TRPM3: variants seen among roughly 807,000 people sequenced by gnomAD.
TRPM3 encodes the protein transient receptor potential cation channel subfamily M member 3.
TRPM3 carries 77 observed loss-of-function variants against 181.2 expected under a neutral mutation model. That is an observed-to-expected ratio of 0.42 (90% CI 0.35 to 0.51). The LOEUF (loss-of-function observed/expected upper bound fraction) is 0.51, where lower values mean the gene tolerates loss of function less well. Among genes scored for constraint, TRPM3 ranks in the 20% least tolerant of loss-of-function variants. The probability of loss-of-function intolerance (pLI) is 0.01; values close to 1 mark genes in which losing one functional copy is unlikely to be tolerated. For missense variants in TRPM3, 1,759 were observed against 2,196.7 expected (o/e 0.80, Z 3.98); for synonymous variants, 745 against 796.4 (o/e 0.94, Z 1.09).
chr9:71,038,426 G>A (rs1252761962), intron 1 of TRPM3, among the ~76,000 whole-genome samples: 1 of 152,116 alleles, frequency 6.6e-6, no homozygotes, highest in African/African-American at 2.4e-5. Context: ...TCATTATGAT[G>A]TGCTTATTAT....
intron 1 of TRPM3, among the ~76,000 whole-genome samples, chr9:71,048,058 T>C (rs1283142557): frequency 2.0e-5 from 3 of 152,226 alleles, no homozygotes; most frequent in Non-Finnish European, 4.4e-5. Flanking sequence ...TTTAGATATA[T>C]ACTCTAGCAT....
At chr9:71,330,948 T>C (rs2090065877) in intron 1 of TRPM3, among the ~76,000 whole-genome samples, 2 of 151,986 alleles carry the variant, frequency 1.3e-5, no homozygotes, top group South Asian at 2.1e-4. Flanking sequence ...ACAAGACTTG[T>C]CTGGGTCTCA....
At chr9:70,594,956 A>G (rs1235347974) in intron 21 of TRPM3, among the ~76,000 whole-genome samples, 2 of 152,206 alleles carry the variant, frequency 1.3e-5, no homozygotes, top group Non-Finnish European at 2.9e-5. Context: ...TGAACTGATT[A>G]TCTTAAAAGC....
intron 1 of TRPM3, among the ~76,000 whole-genome samples, chr9:71,227,593 G>T (rs1487166184): frequency 6.6e-6 from 1 of 151,538 alleles, no homozygotes. Context: ...CCTTTAGCCA[G>T]ATTAACCAGG....
intron 4 of TRPM3, among the ~76,000 whole-genome samples, chr9:70,844,077 G>A (rs2094836988): frequency 6.6e-6 from 1 of 152,148 alleles, no homozygotes; most frequent in African/African-American, 2.4e-5. Flanking sequence ...TATATGTGAA[G>A]ATGTCTCTTC....
chr9:71,076,719 A>C (rs1339886993), intron 1 of TRPM3, among the ~76,000 whole-genome samples: 3 of 152,152 alleles, frequency 2.0e-5, no homozygotes, highest in Non-Finnish European at 4.4e-5. Flanking sequence ...AGGGTTCTCA[A>C]TATCACAGCT....
chr9:70,815,384 A>G (rs2092599692), intron 6 of TRPM3, among the ~76,000 whole-genome samples: 1 of 152,144 alleles, frequency 6.6e-6, no homozygotes, highest in Non-Finnish European at 1.5e-5. Context: ...AAGTAAAATT[A>G]TGGGGCTAAA....
At chr9:70,957,939 C>A (rs1450307290) in intron 1 of TRPM3, among the ~76,000 whole-genome samples, 1 of 152,202 alleles carries the variant, frequency 6.6e-6, no homozygotes, top group Non-Finnish European at 1.5e-5. Flanking sequence ...GCCTTTGGAA[C>A]CTACTTCCCT....
intron 25 of TRPM3, among the ~76,000 whole-genome samples, chr9:70,544,626 A>T (rs917619623): frequency 3.3e-5 from 5 of 152,058 alleles, no homozygotes; most frequent in African/African-American, 1.2e-4. Flanking sequence ...ACCATGTCTA[A>T]GATATAGTAA....
intron 1 of TRPM3, among the ~76,000 whole-genome samples, chr9:71,251,078 T>C (rs981178170): frequency 2.6e-5 from 4 of 152,184 alleles, no homozygotes; most frequent in African/African-American, 7.2e-5. Context: ...ATAAGTATTC[T>C]TGTACTTTTA....
chr9:70,781,326 T>TAAA (rs35173071), intron 7 of TRPM3, among the ~76,000 whole-genome samples: 18 of 106,106 alleles, frequency 1.7e-4, no homozygotes, highest in South Asian at 3.6e-4. Flanking sequence ...TTCCATTTCA[T>TAAA]AAAAAAAAAA....
At chr9:70,748,683 C>T (rs181800971) in intron 8 of TRPM3, among the ~76,000 whole-genome samples, 15 of 152,150 alleles carry the variant, frequency 9.9e-5, no homozygotes, top group African/African-American at 3.1e-4. Context: ...GTACCATTTA[C>T]GAGAAAGTGG....
intron 1 of TRPM3, among the ~76,000 whole-genome samples, chr9:70,946,726 T>C (rs1005608744): frequency 1.3e-5 from 2 of 152,122 alleles, no homozygotes; most frequent in Admixed American, 6.6e-5. Flanking sequence ...TTTCCAGTCA[T>C]GTAATGCCCC....
rs1491369090 is a variant in TRPM3, at chr9:70,831,963, A to ATATATC, written c.802-3946_802-3945insGATATA. Among the ~76,000 whole-genome samples, 10 of 13,512 alleles carry ATATATC rather than the reference A, an allele frequency of 7.4e-4. No homozygotes were observed. In the East Asian group the frequency reaches 0.016, roughly 21 times the overall value. The allele number at this position is 13,512 out of a possible 152,430, so 8.9% of individuals were successfully genotyped here. A position where few individuals can be genotyped will look rare whatever the true frequency, so the allele number is the denominator to read the frequency against. ...TCAAAACATTTTATGTACCCCATAA[A>ATATATC]TATATATATATATATATATATATAT... is the stretch of plus-strand genomic sequence containing the variant. On this transcript the variant is annotated intron_variant, in intron 5 of 25. Transcript: ENST00000677713.
chr9:70,777,033 G>T (rs898116513), intron 7 of TRPM3, among the ~76,000 whole-genome samples: 4 of 151,956 alleles, frequency 2.6e-5, no homozygotes, highest in Admixed American at 1.3e-4. Flanking sequence ...TTGGATTTTT[G>T]TTGTTGTTGT....
intron 1 of TRPM3, among the ~76,000 whole-genome samples, chr9:70,978,460 G>GT (rs916067557): frequency 2.0e-5 from 3 of 152,070 alleles, no homozygotes; most frequent in African/African-American, 4.8e-5. Flanking sequence ...TCTCCTAGGG[G>GT]TTTTTTTCTC....
intron 1 of TRPM3, among the ~76,000 whole-genome samples, chr9:71,169,488 A>G (rs1211157087): frequency 6.6e-6 from 1 of 152,176 alleles, no homozygotes; most frequent in African/African-American, 2.4e-5. Flanking sequence ...CAGGAAAGTC[A>G]ATTGAAAACT....
chr9:70,785,647 A>G (rs2130876201), intron 6 of TRPM3, among the ~76,000 whole-genome samples: 1 of 152,264 alleles, frequency 6.6e-6, no homozygotes, highest in East Asian at 1.9e-4. Context: ...CCCCGTAATG[A>G]GTAATAGTTT....
chr9:71,048,497 G>A (rs596066), intron 1 of TRPM3, among the ~76,000 whole-genome samples: 151,988 of 152,330 alleles, frequency 1, 75,823 homozygotes, highest in Middle Eastern at 1. Flanking sequence ...CCAAGCAAGC[G>A]TGCTGGGTGG....
Sources: allele counts gnomAD v4.1 joint callset (sites outside exome capture counted in the v4.1 genomes callset), GRCh38; gene constraint gnomAD v4.1.1; transcripts MANE v1.5; gene names NCBI Gene and HGNC (gene_info 2026-07-23, HGNC 2026-07-21).